The following LIMK2 variants were observed in gnomAD, a reference collection of about 807,000 sequenced individuals.
LIMK2 encodes LIM domain kinase 2.
Under a neutral mutation model 75.7 loss-of-function variants are expected in LIMK2, and 35 were observed. The observed-to-expected ratio is 0.46, with a 90% CI of 0.35 to 0.61. The LOEUF (loss-of-function observed/expected upper bound fraction) is 0.61, where lower values mean the gene tolerates loss of function less well. Among genes scored for constraint, LIMK2 ranks in the 20% least tolerant of loss-of-function variants. The probability of loss-of-function intolerance (pLI) is 0.00; values close to 1 mark genes in which losing one functional copy is unlikely to be tolerated. For synonymous variants in LIMK2, 301 were observed against 319.2 expected (o/e 0.94, Z 0.61); for missense variants, 623 against 831.0 (o/e 0.75, Z 3.08).
intron 11 of LIMK2, among the ~76,000 whole-genome samples, chr22:31,270,161 C>G (rs974108896): frequency 1.6e-4 from 24 of 152,260 alleles, no homozygotes; most frequent in Middle Eastern, 3.4e-3. Flanking sequence ...TAGGGAGAGG[C>G]TGCTAGTCAC....
At chr22:31,255,988 T>C (rs1405888641) in intron 2 of LIMK2, among the ~76,000 whole-genome samples, 1 of 94,650 alleles carries the variant, frequency 1.1e-5, no homozygotes, top group Non-Finnish European at 2.1e-5. Flanking sequence ...CTTTTTTTTT[T>C]TTTTTTTTTT....
At chr22:31,272,034 A>G (rs2048963016) in intron 12 of LIMK2, among the ~76,000 whole-genome samples, 1 of 152,012 alleles carries the variant, frequency 6.6e-6, no homozygotes, top group South Asian at 2.1e-4. Context: ...CAGAAACACA[A>G]ATGCCAAGTG....
chr22:31,232,632 A>G (rs923080313), intron 2 of LIMK2, among the ~76,000 whole-genome samples: 1 of 152,060 alleles, frequency 6.6e-6, no homozygotes, highest in Non-Finnish European at 1.5e-5. Flanking sequence ...TATTTTTGAG[A>G]TAGGTCTTGC....
chr22:31,229,869 CTG>C (rs915271010), intron 2 of LIMK2, among the ~76,000 whole-genome samples: 2 of 152,174 alleles, frequency 1.3e-5, no homozygotes, highest in Non-Finnish European at 2.9e-5. Context: ...GAACCTCAGA[CTG>C]TGCAATGGAG....
intron 7 of LIMK2, 88 bp from the exon 8 acceptor site, chr22:31,265,858 C>T (rs952296420): frequency 2.9e-5 from 29 of 995,782 alleles, no homozygotes; most frequent in Non-Finnish European, 4.5e-5. Flanking sequence ...TTGGAATGAA[C>T]AGGTGCCCCT....
At chr22:31,241,842 T>C (rs5753520) in intron 2 of LIMK2, among the ~76,000 whole-genome samples, 28 of 152,204 alleles carry the variant, frequency 1.8e-4, no homozygotes, top group South Asian at 4.1e-4. Flanking sequence ...TCATCTAGTT[T>C]AGTTCCTGCA....
intron 1 of LIMK2, among the ~76,000 whole-genome samples, chr22:31,220,136 AAG>A (rs1397778513): frequency 6.6e-6 from 1 of 152,220 alleles, no homozygotes; most frequent in African/African-American, 2.4e-5. Flanking sequence ...TTAAGACTGT[AAG>A]AGAGCTAAAG....
chr22:31,271,007 G>A, intron 11 of LIMK2, 129 bp from the exon 12 acceptor site: 1 of 769,722 alleles, frequency 1.3e-6, no homozygotes, highest in Non-Finnish European at 2.3e-6. Context: ...CCCTGGCCCT[G>A]TTGTCCAGGT....
intron 1 of LIMK2, among the ~76,000 whole-genome samples, chr22:31,213,777 T>G (rs777162793): frequency 2.6e-5 from 4 of 151,760 alleles, no homozygotes; most frequent in Non-Finnish European, 5.9e-5. Flanking sequence ...AGATTTTTTT[T>G]AAGCTTACAG....
chr22:31,237,304 C>T (rs1304143405), intron 2 of LIMK2, among the ~76,000 whole-genome samples: 1 of 147,366 alleles, frequency 6.8e-6, no homozygotes. Flanking sequence ...TGGCTCGCGC[C>T]TGTAATCCCA....
At chr22:31,260,162 A>G in intron 5 of LIMK2, 85 bp downstream of exon 5, 1 of 1,109,696 alleles carries the variant, frequency 9.0e-7, no homozygotes, top group South Asian at 1.6e-5. Flanking sequence ...CCAAAGTCTC[A>G]TGCAGAACTC....
chr22:31,213,503 A>C (rs956897672), intron 1 of LIMK2, among the ~76,000 whole-genome samples: 2 of 152,176 alleles, frequency 1.3e-5, no homozygotes, highest in Non-Finnish European at 2.9e-5. Context: ...TCTTGAATGC[A>C]AGGACTGGGC....
At chr22:31,238,800 G>T (rs181174231) in intron 2 of LIMK2, among the ~76,000 whole-genome samples, 1 of 152,204 alleles carries the variant, frequency 6.6e-6, no homozygotes, top group African/African-American at 2.4e-5. Flanking sequence ...CAGATTTTCT[G>T]TTAACCAGGG....
intron 15 of LIMK2, chr22:31,277,087 C>T (rs776167181): frequency 1.5e-5 from 24 of 1,613,990 alleles, no homozygotes; most frequent in Non-Finnish European, 1.9e-5. Flanking sequence ...CATCTCTGGC[C>T]TGCTGGACAA....
intron 2 of LIMK2, among the ~76,000 whole-genome samples, chr22:31,242,087 T>C (rs936279650): frequency 6.6e-6 from 1 of 152,198 alleles, no homozygotes; most frequent in African/African-American, 2.4e-5. Context: ...ATCTGATTTT[T>C]CTAGATTTCC....
intron 1 of LIMK2, among the ~76,000 whole-genome samples, chr22:31,219,927 AG>A (rs1280856922): frequency 6.6e-6 from 1 of 152,200 alleles, no homozygotes; most frequent in Non-Finnish European, 1.5e-5. Context: ...CAAATATGAG[AG>A]GTAAACACTA....
Position 31,258,925 on chromosome 22 carries a change from T to G in LIMK2, c.253-196T>G. 5.6e-6 allele frequency: 3 copies of G among 534,548 alleles called. No homozygotes were observed. In the South Asian group the frequency reaches 6.4e-5, roughly 11 times the overall value. The allele number at this position is 534,548 out of a possible 1,614,324, so 33.1% of individuals were successfully genotyped here. ...CTTCTCATAACTGAGACCAAAACAG[T>G]TTTGTGCAGTCTCAGAAATGACAGG... is the stretch of plus-strand genomic sequence containing the variant. On this transcript the variant is annotated intron_variant, in intron 3 of 15. Coordinates refer to ENST00000331728, the MANE Select transcript of LIMK2 (RefSeq NM_005569.4).
intron 2 of LIMK2, among the ~76,000 whole-genome samples, chr22:31,256,243 C>T (rs1264467669): frequency 2.0e-5 from 3 of 149,740 alleles, no homozygotes; most frequent in African/African-American, 2.5e-5. Flanking sequence ...GTGATCTGCC[C>T]GCCTCAGCCT....
intron 2 of LIMK2, among the ~76,000 whole-genome samples, chr22:31,227,955 C>G (rs1196905489): frequency 1.3e-5 from 2 of 151,834 alleles, no homozygotes; most frequent in African/African-American, 2.4e-5. Flanking sequence ...AAGAGCTGGC[C>G]CTAGCACTGA....
Sources: gnomAD v4.1 joint callset for allele counts (sites outside exome capture counted in the v4.1 genomes callset) on GRCh38, gnomAD v4.1.1 for gene constraint, MANE v1.5 for transcripts, NCBI Gene and HGNC (gene_info 2026-07-23, HGNC 2026-07-21) for gene names.